The following ZNF383 variants were observed in gnomAD, a reference collection of about 807,000 sequenced individuals.
ZNF383 encodes zinc finger protein 383.
A neutral mutation model predicts 44.2 loss-of-function variants in ZNF383; 32 were observed. That is an observed-to-expected ratio of 0.72 (90% CI 0.55 to 0.97). The LOEUF (loss-of-function observed/expected upper bound fraction) is 0.97, where lower values mean the gene tolerates loss of function less well. Ranked by LOEUF, ZNF383 falls within the 50% of genes least tolerant of loss-of-function variation. The pLI is 0.00. For missense variants in ZNF383, 487 were observed against 562.5 expected, an observed-to-expected ratio of 0.87 and a Z score of 1.36; for synonymous variants, 155 against 186.2, an observed-to-expected ratio of 0.83 and a Z score of 1.36.
intron 3 of ZNF383, among the ~76,000 whole-genome samples, chr19:37,231,858 C>T (rs1973501641): frequency 6.6e-6 from 1 of 152,122 alleles, no homozygotes; most frequent in African/African-American, 2.4e-5. Context: ...ATTATGAAGA[C>T]CTTTTTCTCC....
intron 1 of ZNF383, among the ~76,000 whole-genome samples, chr19:37,221,997 G>C (rs994305295): frequency 4.0e-5 from 6 of 149,074 alleles, no homozygotes; most frequent in Non-Finnish European, 7.4e-5. Flanking sequence ...CCTTTGACCA[G>C]ATCTCAAATC....
chr19:37,228,330 C>T (rs916727222), intron 2 of ZNF383, among the ~76,000 whole-genome samples: 1 of 151,818 alleles, frequency 6.6e-6, no homozygotes, highest in Non-Finnish European at 1.5e-5. Flanking sequence ...TAGTTTCTAT[C>T]TCTGTATGGC....
intron 1 of ZNF383, among the ~76,000 whole-genome samples, chr19:37,220,446 T>A (rs1419309442): frequency 1.3e-5 from 2 of 152,110 alleles, no homozygotes; most frequent in East Asian, 3.9e-4. Context: ...TATATTTTTG[T>A]AGAGATGGAG....
At chr19:37,237,446 G>A (rs1400305362) in intron 5 of ZNF383, among the ~76,000 whole-genome samples, 1 of 152,092 alleles carries the variant, frequency 6.6e-6, no homozygotes, top group African/African-American at 2.4e-5. Flanking sequence ...GGATGAAGTA[G>A]GAGAACCAGA....
chr19:37,235,855 T>C (rs1973763930), intron 4 of ZNF383, 124 bp from the exon 5 acceptor site: 1 of 1,198,976 alleles, frequency 8.3e-7, no homozygotes, highest in South Asian at 1.5e-5. Flanking sequence ...TGGGCTGTGG[T>C]TGAAGCTTCA....
At chr19:37,229,708 ATG>A (rs1266213856) in intron 2 of ZNF383, among the ~76,000 whole-genome samples, 39 of 125,940 alleles carry the variant, frequency 3.1e-4, no homozygotes, top group African/African-American at 1.0e-3. Context: ...GTATATATAT[ATG>A]TGTGTGTATA....
intron 2 of ZNF383, among the ~76,000 whole-genome samples, chr19:37,229,242 C>T (rs1230504793): frequency 6.7e-6 from 1 of 149,982 alleles, no homozygotes; most frequent in Non-Finnish European, 1.5e-5. Context: ...GCAGTCTCCA[C>T]CTCCTGGGTT....
chr19:37,238,818 CATGT>C (rs1252496576), intron 5 of ZNF383, among the ~76,000 whole-genome samples: 2 of 152,280 alleles, frequency 1.3e-5, no homozygotes, highest in African/African-American at 4.8e-5. Context: ...GTGATATTAT[CATGT>C]TTGCAAAGGA....
chr19:37,235,155 C>T (rs768986228), intron 3 of ZNF383, among the ~76,000 whole-genome samples: 5 of 152,028 alleles, frequency 3.3e-5, no homozygotes, highest in East Asian at 1.9e-4. Flanking sequence ...TGCCTGTAAT[C>T]CCCGCTACTC....
At chr19:37,227,450 C>T (rs1973228922) in intron 2 of ZNF383, 1 of 152,194 alleles carries the variant, frequency 6.6e-6, no homozygotes, top group South Asian at 2.1e-4. Context: ...TTAAATCTCC[C>T]TTGTTAATAT....
At chr19:37,222,653 C>T (rs1487523844) in intron 1 of ZNF383, among the ~76,000 whole-genome samples, 1 of 152,220 alleles carries the variant, frequency 6.6e-6, no homozygotes, top group Admixed American at 6.5e-5. Context: ...GGTGGGATTA[C>T]AGGTGTGAGC....
At position 37,242,563 on chromosome 19, in the gene ZNF383, G is replaced by C; in HGVS notation, c.327G>C (p.Lys109Asn). The C allele has an allele frequency of 6.2e-7, 1 of 1,613,960 alleles. No individual in the cohort carries two copies. Among genetic ancestry groups the C allele is most frequent in the Non-Finnish European group, 8.5e-7 (1 of 1,179,894 alleles). Residue 109 changes from lysine to asparagine, a missense_variant, in exon 6 of 6, where the codon AAG becomes AAC. Lys to Asn is a moderately conservative substitution (Grantham distance 94). Transcript: ENST00000684119. ...AGAGGGAGATAATGGGACTTACAAAGCATGGCCTTGAGTACTCCAGTTTTG... is the reference window on the plus strand; with the variant it reads ...AGAGGGAGATAATGGGACTTACAAACCATGGCCTTGAGTACTCCAGTTTTG... ...LCQREIMGLT[K>N]HGLEYSSFGD... is the part of the protein sequence containing the mutation.
Position 37,220,569 on chromosome 19 carries a change from TTG to T in ZNF383, c.-168+2297_-168+2298del, listed in dbSNP as rs1449211635. On this transcript the variant is annotated intron_variant, in intron 1 of 5. Coordinates refer to ENST00000684119, the MANE Select transcript of ZNF383 (RefSeq NM_001387601.1). ...TCCTGGCCTATATTTGTTTTTTTTTTTGTTGTTGTTTAATCCCTTTATATTAC... is the reference window on the plus strand; with the variant it reads ...TCCTGGCCTATATTTGTTTTTTTTTTTTGTTGTTTAATCCCTTTATATTAC... Among the ~76,000 whole-genome samples the T allele has an allele frequency of 9.2e-3, 1,131 of 123,360 alleles. 31 individuals are homozygous for T. The highest frequency in any genetic ancestry group is 0.054 in the East Asian group (250 of 4,656). The allele number at this position is 123,360 out of a possible 152,430, so 80.9% of individuals were successfully genotyped here. A position where few individuals can be genotyped will look rare whatever the true frequency, so the allele number is the denominator to read the frequency against.
intron 2 of ZNF383, among the ~76,000 whole-genome samples, chr19:37,227,301 A>G (rs941809291): frequency 6.6e-6 from 1 of 150,670 alleles, no homozygotes; most frequent in Admixed American, 6.6e-5. Flanking sequence ...TTTAGTAGAG[A>G]CGGGGTTTCT....
chr19:37,221,031 C>T (rs572785292), intron 1 of ZNF383, among the ~76,000 whole-genome samples: 15 of 152,238 alleles, frequency 9.9e-5, no homozygotes, highest in African/African-American at 3.4e-4. Context: ...AATGTTTTTA[C>T]AAGTATACCA....
chr19:37,224,547 T>G (rs1973068498), intron 1 of ZNF383, among the ~76,000 whole-genome samples: 1 of 151,934 alleles, frequency 6.6e-6, no homozygotes, highest in South Asian at 2.1e-4. Flanking sequence ...TTTTTCTGGT[T>G]TTTTGTTTTT....
At chr19:37,227,327 T>C (rs1342060700) in intron 2 of ZNF383, among the ~76,000 whole-genome samples, 1 of 149,500 alleles carries the variant, frequency 6.7e-6, no homozygotes, top group East Asian at 2.0e-4. Flanking sequence ...TTGGTCGGGC[T>C]GGTCTTGAAC....
At chr19:37,236,277 C>G (rs1372111186) in intron 5 of ZNF383, among the ~76,000 whole-genome samples, 3 of 151,976 alleles carry the variant, frequency 2.0e-5, no homozygotes, top group Non-Finnish European at 4.4e-5. Flanking sequence ...TACTACTCCT[C>G]TCCAATCCTC....
At chr19:37,230,376 G>A (rs1284678811) in intron 2 of ZNF383, 33 bp from the exon 3 acceptor site, 2 of 1,509,796 alleles carry the variant, frequency 1.3e-6, no homozygotes, top group Non-Finnish European at 1.8e-6. Context: ...TACTTCCCCA[G>A]TCATGCAACC....
Sources: gnomAD v4.1 joint callset for allele counts (sites outside exome capture counted in the v4.1 genomes callset) on GRCh38, gnomAD v4.1.1 for gene constraint, MANE v1.5 for transcripts, NCBI Gene and HGNC (gene_info 2026-07-23, HGNC 2026-07-21) for gene names.